Variants in HBP1 observed in about 807,000 individuals in gnomAD.
The protein encoded by HBP1 is HMG box-containing protein 1.
A neutral mutation model predicts 62.6 loss-of-function variants in HBP1; 20 were observed. That is an observed-to-expected ratio of 0.32 (90% CI 0.22 to 0.46). The LOEUF is 0.46. Ranked by LOEUF, HBP1 falls within the 20% of genes least tolerant of loss-of-function variation. The pLI, the probability that HBP1 is intolerant of heterozygous loss-of-function variation, is 1.00. For missense variants in HBP1, 480 were observed against 611.8 expected (o/e 0.78, Z 2.27); for synonymous variants, 232 against 206.2 (o/e 1.12, Z -1.07).
rs1206658611 is a variant in HBP1, at chr7:107,186,372, G to A, written c.552G>A (p.Glu184=). 5.0e-6 allele frequency: 8 copies of A among 1,599,104 alleles called. No individual in the cohort carries two copies. Among genetic ancestry groups the A allele is most frequent in the Non-Finnish European group, 6.0e-6 (7 of 1,167,868 alleles). Residue 184 remains glutamate (E), a synonymous_variant, in exon 5 of 11, where the codon GAG becomes GAA. Coordinates refer to ENST00000222574, the MANE Select transcript of HBP1 (RefSeq NM_012257.4). ...TPVRHERANS[E]SESGIFCMSS... is the part of the protein sequence containing the mutation. ...ATTTTTCTCCATAGGCAAATAGTGA[G>A]TCAGAATCTGGCATTTTCTGCATGT...
In HBP1 at chr7:107,200,193, G is replaced by A; in HGVS notation, c.1419G>A (p.Lys473=). The A allele has an allele frequency of 6.2e-7, 1 of 1,606,232 alleles. No homozygotes were observed. The highest frequency in any genetic ancestry group is 1.1e-5 in the South Asian group (1 of 89,624). ...GTGTGATCCTTGGTGACAGGTGGAA[G>A]AAAATGAAGAATGAAGAGAGAAGAA... ...AISVILGDRW[K]KMKNEERRMY... The change falls in exon 10 of 11, where the codon AAG becomes AAA. Residue 473 remains lysine (K), a synonymous_variant. Transcript: ENST00000222574.
At chr7:107,173,830 G>T (rs1210588239) in intron 1 of HBP1, among the ~76,000 whole-genome samples, 1 of 152,198 alleles carries the variant, frequency 6.6e-6, no homozygotes, top group East Asian at 1.9e-4. Flanking sequence ...GACATGTGCA[G>T]AGTTAACTAA....
Position 107,179,944 on chromosome 7 carries a change from C to G in HBP1, c.51C>G (p.Leu17=), listed in dbSNP as rs1422026335. 2 of 1,607,792 alleles carry G rather than the reference C, an allele frequency of 1.2e-6. No individual in the cohort carries two copies. The highest frequency in any genetic ancestry group is 1.7e-5 in the Admixed American group (1 of 59,910). Residue 17 remains leucine, a synonymous_variant, in exon 2 of 11, where the codon CTC becomes CTG. Coordinates refer to ENST00000222574, the MANE Select transcript of HBP1 (RefSeq NM_012257.4). ...TNQMPNAVQK[L]LLVMDKRASG... ...AGATGCCTAATGCAGTACAGAAACTCCTGTTGGTGATGGACAAGAGAGCCT... is the reference window on the plus strand; with the variant it reads ...AGATGCCTAATGCAGTACAGAAACTGCTGTTGGTGATGGACAAGAGAGCCT...
At chr7:107,173,218 G>A (rs984312638) in intron 1 of HBP1, among the ~76,000 whole-genome samples, 1 of 152,160 alleles carries the variant, frequency 6.6e-6, no homozygotes, top group Non-Finnish European at 1.5e-5. Flanking sequence ...AAATACCTCA[G>A]TTTCAGAGAT....
intron 1 of HBP1, among the ~76,000 whole-genome samples, chr7:107,171,807 A>C (rs1168074616): frequency 6.6e-6 from 1 of 150,606 alleles, no homozygotes; most frequent in African/African-American, 2.5e-5. Context: ...TTGCAGTGAG[A>C]CAAGATCAGG....
chr7:107,194,057 G>A lies in HBP1; in HGVS notation c.1068-1777G>A, dbSNP rs181562997. Among the ~76,000 whole-genome samples, 269 of 152,312 alleles carry A rather than the reference G, an allele frequency of 1.8e-3. 3 individuals carry two copies. The highest frequency in any genetic ancestry group is 6.0e-3 in the African/African-American group (250 of 41,578). The stretch of plus-strand genomic sequence containing the variant: ...AGTAGAGCTGTGAAAGGCACATTTG[G>A]GTACAGGTGCTTTAGTGAAGAGAAT... On this transcript the variant is annotated intron_variant, in intron 8 of 10. Transcript: ENST00000222574.
intron 1 of HBP1, among the ~76,000 whole-genome samples, chr7:107,171,860 C>CA (rs367641713): frequency 0.26 from 16,728 of 63,488 alleles, 1,600 homozygotes; most frequent in Non-Finnish European, 0.32. Context: ...ACTTCCTCTC[C>CA]AAAAAAAAAA....
At chr7:107,177,019 C>G (rs1365801376) in intron 1 of HBP1, among the ~76,000 whole-genome samples, 2 of 152,116 alleles carry the variant, frequency 1.3e-5, no homozygotes, top group Non-Finnish European at 2.9e-5. Flanking sequence ...AACTGAATAG[C>G]TATCTGGTTT....
At chr7:107,169,835 A>G (rs1158924009) in intron 1 of HBP1, 2 of 984,900 alleles carry the variant, frequency 2.0e-6, no homozygotes, top group Non-Finnish European at 2.4e-6. Flanking sequence ...GAACGCGATG[A>G]ATGGCGAAAG....
In HBP1 at chr7:107,169,025, T is replaced by A. The variant is rs184972136; in HGVS notation, c.-176T>A. On this transcript the variant is annotated 5_prime_UTR_variant, in exon 1 of 11. The change creates a new upstream start codon in the 5' untranslated region. Coordinates refer to ENST00000222574, the MANE Select transcript of HBP1 (RefSeq NM_012257.4). The stretch of plus-strand genomic sequence containing the variant: ...GAAAGACTTGGTAATGGCGACGGGT[T>A]TGGTAAGTAGGAAAGTTTCGGTTGA... The A allele has an allele frequency of 8.5e-6, 11 of 1,287,830 alleles. No individual in the cohort carries two copies. The African/African-American group carries it at 1.7e-4, about 20-fold the overall frequency. The allele number at this position is 1,287,830 out of a possible 1,614,324, so 79.8% of individuals were successfully genotyped here.
At chr7:107,172,485 A>G (rs1397970770) in intron 1 of HBP1, among the ~76,000 whole-genome samples, 8 of 152,172 alleles carry the variant, frequency 5.3e-5, no homozygotes, top group Admixed American at 5.2e-4. Context: ...GAATTTTTAG[A>G]TGATGTCGTT....
At chr7:107,174,177 G>A (rs1391095270) in intron 1 of HBP1, among the ~76,000 whole-genome samples, 1 of 152,204 alleles carries the variant, frequency 6.6e-6, no homozygotes, top group East Asian at 1.9e-4. Context: ...CCGTGAGTCT[G>A]AGATTGAGTG....
At chr7:107,174,404 C>G in intron 1 of HBP1, 2 of 885,846 alleles carry the variant, frequency 2.3e-6, no homozygotes, top group Non-Finnish European at 2.7e-6. Context: ...ATAGGTAGCT[C>G]TGTTTTGAAA....
chr7:107,182,267 A>G, intron 2 of HBP1, 106 bp from the exon 3 acceptor site: 1 of 645,638 alleles, frequency 1.5e-6, no homozygotes, highest in East Asian at 2.7e-5. Context: ...TTCCTCTCTC[A>G]AAATTAATTA....
At chr7:107,186,792 A>G (rs1387939818) in intron 6 of HBP1, 111 bp downstream of exon 6, 2 of 677,858 alleles carry the variant, frequency 3.0e-6, no homozygotes, top group South Asian at 1.9e-5. Context: ...ATGACATCGT[A>G]CATTTTAGGT....
intron 1 of HBP1, among the ~76,000 whole-genome samples, chr7:107,179,101 A>T (rs1451877709): frequency 6.6e-6 from 1 of 152,274 alleles, no homozygotes; most frequent in African/African-American, 2.4e-5. Context: ...GAAACAAAAT[A>T]AAAAACACAG....
At chr7:107,169,849 G>A (rs1354750474) in intron 1 of HBP1, 6 of 985,372 alleles carry the variant, frequency 6.1e-6, no homozygotes, top group Non-Finnish European at 7.2e-6. Context: ...GCGAAAGAGG[G>A]TGGGGGATGG....
Position 107,195,815 on chromosome 7 carries a change from A to AT in HBP1, c.1068-11dup, listed in dbSNP as rs766991403. 4.0e-5 allele frequency: 45 copies of AT among 1,133,800 alleles called. No individual in the cohort carries two copies. The highest frequency in any genetic ancestry group is 2.8e-4 in the Middle Eastern group (1 of 3,520). The allele number at this position is 1,133,800 out of a possible 1,614,324, so 70.2% of individuals were successfully genotyped here. The stretch of plus-strand genomic sequence containing the variant: ...TTCAAAATTGAATTAAAATATTATT[A>AT]TTTTTTTTAATTTTATAGCTATGAC... On this transcript the variant is annotated intron_variant, in intron 8 of 10. Transcript: ENST00000222574.
intron 1 of HBP1, among the ~76,000 whole-genome samples, chr7:107,170,409 A>G (rs2115744191): frequency 6.6e-6 from 1 of 152,190 alleles, no homozygotes; most frequent in South Asian, 2.1e-4. Context: ...TCTGCAATGT[A>G]TGTCTTGTAC....
Sources: allele counts gnomAD v4.1 joint callset (sites outside exome capture counted in the v4.1 genomes callset), GRCh38; gene constraint gnomAD v4.1.1; transcripts MANE v1.5; gene names NCBI Gene and HGNC (gene_info 2026-07-23, HGNC 2026-07-21).